CLASP1: variants seen among roughly 807,000 people sequenced by gnomAD.
CLASP1 encodes the protein CLIP-associating protein 1.
In CLASP1, 38 loss-of-function variants were observed where a neutral mutation model predicts 192.3. That is an observed-to-expected ratio of 0.20 (90% CI 0.15 to 0.26). The LOEUF (loss-of-function observed/expected upper bound fraction) is 0.26, where lower values mean the gene tolerates loss of function less well. Among genes scored for constraint, CLASP1 ranks in the 10% least tolerant of loss-of-function variants. The pLI is 1.00. For synonymous variants in CLASP1, 691 were observed against 712.8 expected, an observed-to-expected ratio of 0.97 and a Z score of 0.49; for missense variants, 1,433 against 1,932.5, an observed-to-expected ratio of 0.74 and a Z score of 4.85.
At chr2:121,522,047 A>G (rs2094469567) in intron 6 of CLASP1, among the ~76,000 whole-genome samples, 1 of 152,200 alleles carries the variant, frequency 6.6e-6, no homozygotes, top group Non-Finnish European at 1.5e-5. Context: ...AGGAATAATT[A>G]ACTTGGTTAG....
At chr2:121,348,688 T>C in exon 38 of CLASP1, 1 of 1,612,850 alleles carries the variant, frequency 6.2e-7, no homozygotes, top group South Asian at 1.1e-5. Flanking sequence ...CTGGCCAGTG[T>C]GGACGCAGCC....
intron 29 of CLASP1, among the ~76,000 whole-genome samples, chr2:121,397,961 A>G (rs1315991901): frequency 6.6e-6 from 1 of 152,244 alleles, no homozygotes; most frequent in African/African-American, 2.4e-5. Context: ...ACCTATCTCT[A>G]CACACAAGAA....
chr2:121,404,218 A>C (rs2076568042), intron 26 of CLASP1, 153 bp downstream of exon 27: 1 of 1,336,436 alleles, frequency 7.5e-7, no homozygotes, highest in Non-Finnish European at 9.8e-7. Flanking sequence ...TCTGTTTTTA[A>C]AAGATGTAAC....
chr2:121,376,043 G>A (rs904699762), intron 34 of CLASP1, among the ~76,000 whole-genome samples: 13 of 152,130 alleles, frequency 8.5e-5, no homozygotes, highest in Non-Finnish European at 1.6e-4. Context: ...CAAAGGTGAG[G>A]TTTTGGAGAA....
At chr2:121,485,766 C>A (rs2092932639) in intron 8 of CLASP1, among the ~76,000 whole-genome samples, 2 of 152,150 alleles carry the variant, frequency 1.3e-5, no homozygotes, top group Non-Finnish European at 2.9e-5. Context: ...CTACTACAGG[C>A]ATGGTCCACC....
At chr2:121,432,110 A>C (rs556283228) in intron 19 of CLASP1, among the ~76,000 whole-genome samples, 13 of 151,910 alleles carry the variant, frequency 8.6e-5, no homozygotes, top group Admixed American at 2.6e-4. Context: ...GCTTTTTATT[A>C]ATTTATTAAT....
At position 121,340,914 on chromosome 2, in the gene CLASP1, G is replaced by C. The variant is rs775693615; in HGVS notation, c.4564C>G (p.Gln1522Glu). 5.6e-6 allele frequency: 9 copies of C among 1,611,024 alleles called. No homozygotes were observed. In the Admixed American group the frequency reaches 1.5e-4, roughly 27 times the overall value. The change falls in exon 40 of 40, where the codon CAG (glutamine) becomes GAG (glutamate). Residue 1522 changes from glutamine to glutamate, a missense_variant. By Grantham distance (29) the Gln-to-Glu change is conservative (BLOSUM62 2). Transcript: ENST00000263710. ...GAGCTGCTGTTGCTGTTGGTGGTCT[G>C]GGCCCTCTTTATGTATAAGTTTAGT...
At chr2:121,560,642 T>C (rs1664960308) in intron 2 of CLASP1, among the ~76,000 whole-genome samples, 1 of 152,174 alleles carries the variant, frequency 6.6e-6, no homozygotes, top group African/African-American at 2.4e-5. Flanking sequence ...GAATAAGGGG[T>C]ATCACATCAG....
At chr2:121,362,112 T>A (rs2149230965) in intron 37 of CLASP1, among the ~76,000 whole-genome samples, 1 of 152,354 alleles carries the variant, frequency 6.6e-6, no homozygotes, top group Non-Finnish European at 1.5e-5. Flanking sequence ...CATCCACGAG[T>A]GTGCTCACAC....
intron 8 of CLASP1, among the ~76,000 whole-genome samples, chr2:121,478,830 CCACACACCACA>C (rs1559367893): frequency 1.0e-4 from 6 of 59,812 alleles, no homozygotes; most frequent in Non-Finnish European, 1.9e-4. Flanking sequence ...CAACCACACA[CCACACACCACA>C]CACACACCAC....
intron 8 of CLASP1, among the ~76,000 whole-genome samples, chr2:121,475,835 G>A (rs2091530206): frequency 6.6e-6 from 1 of 152,144 alleles, no homozygotes; most frequent in Admixed American, 6.5e-5. Flanking sequence ...ACTGCCATGG[G>A]AGGGCCACTT....
chr2:121,487,579 C>T (rs549913030), intron 8 of CLASP1, among the ~76,000 whole-genome samples: 2 of 152,142 alleles, frequency 1.3e-5, no homozygotes, highest in Non-Finnish European at 2.9e-5. Context: ...TTTTCAATGA[C>T]CTTGACATGG....
chr2:121,346,198 G>T (rs1423475117), intron 39 of CLASP1, among the ~76,000 whole-genome samples: 1 of 152,192 alleles, frequency 6.6e-6, no homozygotes, highest in African/African-American at 2.4e-5. Flanking sequence ...AAAAAGGTGG[G>T]GATTTTAAAC....
chr2:121,641,065 C>T (rs1032415426), intron 1 of CLASP1, among the ~76,000 whole-genome samples: 2 of 152,186 alleles, frequency 1.3e-5, no homozygotes, highest in South Asian at 2.1e-4. Context: ...AGAGAAGGAG[C>T]TGTTTTTATG....
intron 2 of CLASP1, among the ~76,000 whole-genome samples, chr2:121,585,203 A>C (rs148677680): frequency 6.6e-6 from 1 of 152,352 alleles, no homozygotes; most frequent in East Asian, 1.9e-4. Flanking sequence ...CTTTTCAATT[A>C]TAAATTGCCT....
intron 6 of CLASP1, among the ~76,000 whole-genome samples, chr2:121,519,294 T>G (rs118092690): frequency 6.6e-6 from 1 of 152,158 alleles, no homozygotes; most frequent in African/African-American, 2.4e-5. Flanking sequence ...GAAAATGAAC[T>G]GAAACGCCTA....
intron 30 of CLASP1, among the ~76,000 whole-genome samples, chr2:121,396,677 A>C (rs1281715439): frequency 6.6e-6 from 1 of 152,240 alleles, no homozygotes; most frequent in Non-Finnish European, 1.5e-5. Context: ...TTACAAAAGC[A>C]CATACTCACA....
intron 22 of CLASP1, 128 bp downstream of exon 22, chr2:121,425,011 C>T: frequency 2.1e-6 from 2 of 942,938 alleles, no homozygotes; most frequent in Admixed American, 2.8e-5. Context: ...TAAAGCACAC[C>T]CAGGCAAAGT....
At chr2:121,622,111 T>C (rs1449704127) in intron 1 of CLASP1, among the ~76,000 whole-genome samples, 1 of 152,022 alleles carries the variant, frequency 6.6e-6, no homozygotes, top group African/African-American at 2.4e-5. Context: ...CCCAAAGTGC[T>C]GGGATTATAG....
Sources: gnomAD v4.1 joint callset for allele counts (sites outside exome capture counted in the v4.1 genomes callset) on GRCh38, gnomAD v4.1.1 for gene constraint, MANE v1.5 for transcripts, NCBI Gene and HGNC (gene_info 2026-07-23, HGNC 2026-07-21) for gene names.